The following HAO2 variants were observed in gnomAD, a reference collection of about 807,000 sequenced individuals.
The protein encoded by HAO2 is 2-Hydroxyacid oxidase 2.
HAO2 carries 42 observed loss-of-function variants against 37.4 expected under a neutral mutation model. The observed-to-expected ratio is 1.12, with a 90% CI of 0.88 to 1.45. The LOEUF (loss-of-function observed/expected upper bound fraction) is 1.45, where lower values mean the gene tolerates loss of function less well. HAO2 is among the 40% of genes most tolerant of loss of function. HAO2 has a pLI of 0.00. For synonymous variants in HAO2, 180 were observed against 162.8 expected, an observed-to-expected ratio of 1.11 and a Z score of -0.81; for missense variants, 476 against 430.2, an observed-to-expected ratio of 1.11 and a Z score of -0.94.
Position 119,382,920 on chromosome 1 carries a change from G to A in HAO2, c.137G>A (p.Arg46His), listed in dbSNP as rs763195884. ...DDNIAAFKRI[R>H]LRPRYLRDVS... ...CTCTTTGTTGTCCGGCACAGAATTC[G>A]CCTCCGTCCGCGGTACCTGAGAGAT... Residue 46 changes from arginine (R) to histidine (H), a missense_variant, in exon 3 of 8, where the codon CGC becomes CAC. Physicochemically the swap from Arg to His is conservative, Grantham distance 29. Transcript: ENST00000325945. 1.4e-5 allele frequency: 23 copies of A among 1,613,136 alleles called. No homozygotes were observed. The highest frequency in any genetic ancestry group is 4.5e-5 in the East Asian group (2 of 44,818).
intron 5 of HAO2, among the ~76,000 whole-genome samples, chr1:119,389,068 C>G (rs1013232232): frequency 1.1e-4 from 16 of 139,696 alleles, no homozygotes; most frequent in African/African-American, 4.2e-4. Flanking sequence ...GAATAACACT[C>G]TCCAATCTCA....
At chr1:119,391,513 G>T (rs1485254006) in intron 5 of HAO2, among the ~76,000 whole-genome samples, 1 of 152,180 alleles carries the variant, frequency 6.6e-6, no homozygotes, top group African/African-American at 2.4e-5. Flanking sequence ...TCTGTCAAAG[G>T]CTCAAACTTT....
chr1:119,392,408 C>T, intron 6 of HAO2, 140 bp downstream of exon 6: 1 of 772,546 alleles, frequency 1.3e-6, no homozygotes, highest in Non-Finnish European at 2.1e-6. Context: ...CATCTCCATG[C>T]TTCTTCTGAA....
At chr1:119,371,740 C>T (rs1649033728) in intron 1 of HAO2, among the ~76,000 whole-genome samples, 1 of 152,164 alleles carries the variant, frequency 6.6e-6, no homozygotes, top group Non-Finnish European at 1.5e-5. Context: ...AACAGTCATG[C>T]ATGTAAAGCA....
chr1:119,381,300 C>A (rs1206835123), intron 2 of HAO2, 84 bp downstream of exon 2: 20 of 988,192 alleles, frequency 2.0e-5, no homozygotes. Context: ...CTGGTTTCTG[C>A]CTCCAAAAAA....
At chr1:119,382,559 T>C (rs990353132) in intron 2 of HAO2, among the ~76,000 whole-genome samples, 10 of 152,194 alleles carry the variant, frequency 6.6e-5, no homozygotes, top group Non-Finnish European at 1.5e-4. Flanking sequence ...TTCTTTTTAG[T>C]CCTTGTTATG....
intron 4 of HAO2, chr1:119,386,013 C>A: frequency 2.1e-6 from 1 of 466,054 alleles, no homozygotes; most frequent in Non-Finnish European, 2.8e-6. Flanking sequence ...ATACTAAACT[C>A]TGAATTTTTT....
At chr1:119,388,731 G>GT (rs938597204) in intron 5 of HAO2, among the ~76,000 whole-genome samples, 15 of 152,000 alleles carry the variant, frequency 9.9e-5, no homozygotes, top group Non-Finnish European at 1.5e-4. Flanking sequence ...TTTGCCATTT[G>GT]TTTTTTTAAA....
At chr1:119,371,920 A>G (rs768551328) in intron 1 of HAO2, among the ~76,000 whole-genome samples, 1 of 152,204 alleles carries the variant, frequency 6.6e-6, no homozygotes, top group Non-Finnish European at 1.5e-5. Flanking sequence ...TCAAAACACT[A>G]TATAAACATT....
rs755321173 is a variant in HAO2, at chr1:119,384,952, G to A, written c.460G>A (p.Val154Ile). The change falls in exon 4 of 8, where the codon GTA becomes ATA. Residue 154 changes from valine to isoleucine, a missense_variant. Val to Ile is a conservative substitution (Grantham distance 29). Coordinates refer to ENST00000325945, the MANE Select transcript of HAO2 (RefSeq NM_016527.4). ...AGAATCCCTAGGTTTCAAAGCTTTG[G>A]TAATAACTTTGGATACACCTGTATG... ...RVESLGFKAL[V>I]ITLDTPVCGN... 4 of 1,613,710 alleles carry A rather than the reference G, an allele frequency of 2.5e-6. No individual in the cohort carries two copies. The South Asian group carries it at 3.3e-5, about 13-fold the overall frequency.
At chr1:119,385,579 AC>A in intron 4 of HAO2, 1 of 982,826 alleles carries the variant, frequency 1.0e-6, no homozygotes, top group Non-Finnish European at 1.2e-6. Context: ...TTTGTGGAGC[AC>A]CAGGATGCTA....
At chr1:119,382,065 A>G (rs1649991096) in intron 2 of HAO2, among the ~76,000 whole-genome samples, 1 of 152,194 alleles carries the variant, frequency 6.6e-6, no homozygotes, top group Non-Finnish European at 1.5e-5. Flanking sequence ...AAACTGAAAA[A>G]TGGTATAAAA....
rs750077780 is a variant in HAO2 at position 119,392,259 on chromosome 1, T to C, written c.921T>C (p.Leu307=). 1 of 1,610,696 alleles carries C rather than the reference T, an allele frequency of 6.2e-7. No individual in the cohort carries two copies. Among genetic ancestry groups the C allele is most frequent in the Admixed American group, 1.7e-5 (1 of 59,406 alleles). ...IFLGRPILWG[L]ACKGEHGVKE... ...TTGGGAGACCAATCCTATGGGGCCTTGCCTGCAAGGTGAGAGTGGCAAAGC... is the reference window on the plus strand; with the variant it reads ...TTGGGAGACCAATCCTATGGGGCCTCGCCTGCAAGGTGAGAGTGGCAAAGC... The change falls in exon 6 of 8, where the codon CTT becomes CTC. Residue 307 remains leucine, a synonymous_variant. Transcript: ENST00000325945.
intron 1 of HAO2, among the ~76,000 whole-genome samples, chr1:119,378,701 T>C (rs1397672481): frequency 3.9e-5 from 6 of 152,252 alleles, no homozygotes; most frequent in Admixed American, 3.9e-4. Flanking sequence ...ATGAGCCATT[T>C]CTTCTGGATT....
intron 1 of HAO2, among the ~76,000 whole-genome samples, chr1:119,379,634 T>C (rs925543206): frequency 6.6e-6 from 1 of 152,172 alleles, no homozygotes; most frequent in Admixed American, 6.5e-5. Context: ...TACCTCAATG[T>C]TCTCTCCTCA....
chr1:119,392,290 A>T, intron 6 of HAO2, 22 bp downstream of exon 6: 1 of 1,583,386 alleles, frequency 6.3e-7, no homozygotes, highest in Non-Finnish European at 8.6e-7. Flanking sequence ...AAAGCAAACC[A>T]GCAAGAAGAT....
At chr1:119,391,988 T>C in intron 5 of HAO2, 122 bp from the exon 6 acceptor site, 1 of 782,124 alleles carries the variant, frequency 1.3e-6, no homozygotes, top group Non-Finnish European at 2.1e-6. Context: ...GCCTCAAGCA[T>C]GGGAGGGGAA....
intron 4 of HAO2, chr1:119,385,339 C>A (rs587720066): frequency 6.1e-6 from 6 of 985,138 alleles, no homozygotes; most frequent in Non-Finnish European, 7.2e-6. Context: ...AGGAAAGCCA[C>A]GGAAAATATT....
intron 1 of HAO2, chr1:119,380,477 G>T (rs1427636024): frequency 4.1e-6 from 2 of 487,606 alleles, no homozygotes; most frequent in Non-Finnish European, 7.3e-6. Flanking sequence ...ACTTTGTCTT[G>T]TCCTTTCCCC....
Sources: allele counts gnomAD v4.1 joint callset (sites outside exome capture counted in the v4.1 genomes callset), GRCh38; gene constraint gnomAD v4.1.1; transcripts MANE v1.5; gene names NCBI Gene and HGNC (gene_info 2026-07-23, HGNC 2026-07-21).